DNAAF5: variants seen among roughly 807,000 people sequenced by gnomAD.
DNAAF5 encodes HEAT repeat containing 2.
Under a neutral mutation model 75.8 loss-of-function variants are expected in DNAAF5, and 64 were observed. That is an observed-to-expected ratio of 0.84 (90% confidence interval 0.69 to 1.04). The LOEUF is 1.04. DNAAF5 is among the 50% of genes least tolerant of loss of function. The probability of loss-of-function intolerance (pLI) is 0.00; values close to 1 mark genes in which losing one functional copy is unlikely to be tolerated. For missense variants in DNAAF5, 1,269 were observed against 1,178.5 expected (o/e 1.08, Z -1.12); for synonymous variants, 657 against 557.2 (o/e 1.18, Z -2.52).
At chr7:746,844 T>G (rs556428159) in intron 4 of DNAAF5, among the ~76,000 whole-genome samples, 2 of 152,370 alleles carry the variant, frequency 1.3e-5, no homozygotes, top group African/African-American at 4.8e-5. Flanking sequence ...GCCCTGGCAC[T>G]GCTGCTGTGG....
At chr7:730,273 G>T (rs547154123) in intron 2 of DNAAF5, among the ~76,000 whole-genome samples, 4 of 152,042 alleles carry the variant, frequency 2.6e-5, no homozygotes, top group African/African-American at 4.8e-5. Context: ...CCAAGAGACG[G>T]GCAGGCAGGC....
At chr7:731,229 A>C (rs1781552703) in intron 2 of DNAAF5, among the ~76,000 whole-genome samples, 1 of 152,158 alleles carries the variant, frequency 6.6e-6, no homozygotes, top group African/African-American at 2.4e-5. Flanking sequence ...TGAATACTGA[A>C]GCTCCATAGC....
At position 784,372 on chromosome 7, in the gene DNAAF5, C is replaced by T. The variant is rs571938097; in HGVS notation, c.2432-1145C>T. ...GCTACCCCCCTCCCTGACTGCCTGC[C>T]GGGTTCCGCCACCCTCAGTGGCTCA... On this transcript the variant is annotated intron_variant, in intron 12 of 12. Coordinates refer to ENST00000297440, the MANE Select transcript of DNAAF5 (RefSeq NM_017802.4). Among the ~76,000 whole-genome samples the T allele has an allele frequency of 3.8e-4, 58 of 152,338 alleles. No individual in the cohort carries two copies. The South Asian group carries it at 0.011, about 28-fold the overall frequency.
chr7:770,074 C>A (rs1031316591), intron 8 of DNAAF5, among the ~76,000 whole-genome samples: 1 of 151,684 alleles, frequency 6.6e-6, no homozygotes, highest in Non-Finnish European at 1.5e-5. Flanking sequence ...GCCTCAGCCT[C>A]CCAAGTAGAT....
rs771203011 is a variant in DNAAF5, at chr7:740,894, C to T, written c.856C>T (p.Leu286Phe). 2 of 1,614,026 alleles carry T rather than the reference C, an allele frequency of 1.2e-6. No individual in the cohort carries two copies. The highest frequency in any genetic ancestry group is 3.3e-5 in the Admixed American group (2 of 60,032). The change falls in exon 3 of 13, where the codon CTC becomes TTC. Residue 286 changes from leucine (L) to phenylalanine (F), a missense_variant. Leu to Phe is a conservative substitution (Grantham distance 22). Transcript: ENST00000297440. Reference protein sequence around the residue: ...LRDRYSFFHKLIPLLLSSLND... With the variant: ...LRDRYSFFHKFIPLLLSSLND... ...TGACCGTTACTCCTTCTTCCACAAG[C>T]TCATCCCTCTGCTGCTCAGTAGCCT...
At chr7:776,587 A>G (rs1778767190) in intron 11 of DNAAF5, among the ~76,000 whole-genome samples, 1 of 152,182 alleles carries the variant, frequency 6.6e-6, no homozygotes. Context: ...CAGCAGGACC[A>G]GGGGCACAGC....
intron 2 of DNAAF5, among the ~76,000 whole-genome samples, chr7:734,498 CTT>C (rs1317015252): frequency 1.3e-5 from 2 of 152,148 alleles, no homozygotes; most frequent in African/African-American, 4.8e-5. Context: ...ACAGTGGAAA[CTT>C]TGCGTCAGTG....
rs1343738276 is a variant in DNAAF5 at position 746,253 on chromosome 7, C to T, written c.1024+4788C>T. On this transcript the variant is annotated intron_variant, in intron 4 of 12. Transcript: ENST00000297440. ...CGCCTGCCGTGCCCAGGGTCTGTGA[C>T]GCTCTCCTTACTGTCTTGCCCCCCC... Among the ~76,000 whole-genome samples, 7 of 147,790 alleles carry T rather than the reference C, an allele frequency of 4.7e-5. 1 individual carries two copies. The highest frequency in any genetic ancestry group is 9.0e-5 in the Non-Finnish European group (6 of 66,746).
Position 727,086 on chromosome 7 carries a change from C to G in DNAAF5, c.366C>G (p.Ala122=). The change falls in exon 1 of 13, where the codon GCC becomes GCG. Residue 122 remains alanine, a synonymous_variant. Coordinates refer to ENST00000297440, the MANE Select transcript of DNAAF5 (RefSeq NM_017802.4). ...DALPRLLPAL[A]ARLAGPVPAR... ...TGCCGCGCCTGCTGCCCGCGCTCGC[C>G]GCGCGCTTGGCCGGCCCCGTGCCCG... 9.5e-7 allele frequency: 1 copy of G among 1,049,108 alleles called. No individual in the cohort carries two copies. The highest frequency in any genetic ancestry group is 1.1e-6 in the Non-Finnish European group (1 of 874,068). The allele number at this position is 1,049,108 out of a possible 1,614,324, so 65.0% of individuals were successfully genotyped here.
chr7:749,331 A>G (rs944090560), intron 4 of DNAAF5, among the ~76,000 whole-genome samples: 1 of 152,174 alleles, frequency 6.6e-6, no homozygotes, highest in African/African-American at 2.4e-5. Flanking sequence ...TTCCTTGGCA[A>G]TGCCTGAGCG....
intron 6 of DNAAF5, among the ~76,000 whole-genome samples, chr7:759,538 C>A (rs1782581705): frequency 2.0e-5 from 3 of 152,156 alleles, no homozygotes; most frequent in Admixed American, 2.0e-4. Flanking sequence ...CCTTTGCAGT[C>A]TTAGATAACA....
intron 8 of DNAAF5, among the ~76,000 whole-genome samples, chr7:765,330 G>GC (rs1258654542): frequency 1.3e-5 from 2 of 152,196 alleles, no homozygotes; most frequent in Non-Finnish European, 2.9e-5. Flanking sequence ...GCCTCCCTCA[G>GC]CCCCTCTCCC....
intron 4 of DNAAF5, among the ~76,000 whole-genome samples, chr7:746,938 G>C (rs1782133867): frequency 6.6e-6 from 1 of 152,224 alleles, no homozygotes; most frequent in Non-Finnish European, 1.5e-5. Flanking sequence ...TTTCCTCTCT[G>C]TGTCGGAGGC....
At chr7:785,476 G>A (rs767524617) in intron 12 of DNAAF5, 41 bp from the exon 13 acceptor site, 1 of 1,601,602 alleles carries the variant, frequency 6.2e-7, no homozygotes, top group African/African-American at 1.3e-5. Context: ...TTGGTTTCAT[G>A]TTTGTTTCTG....
chr7:747,172 T>C (rs930731094), intron 4 of DNAAF5, among the ~76,000 whole-genome samples: 1 of 152,232 alleles, frequency 6.6e-6, no homozygotes, highest in African/African-American at 2.4e-5. Context: ...GTACAGTCCT[T>C]ACTTTGTTAG....
chr7:727,281 C>G lies in DNAAF5; in HGVS notation c.561C>G (p.Cys187Trp). 1 of 1,310,868 alleles carries G rather than the reference C, an allele frequency of 7.6e-7. No homozygotes were observed. Among genetic ancestry groups the G allele is most frequent in the Non-Finnish European group, 9.7e-7 (1 of 1,034,172 alleles). 81.2% of individuals were successfully genotyped at this position (1,310,868 alleles called of 1,614,324 possible). The change falls in exon 1 of 13, where the codon TGC (cysteine) becomes TGG (tryptophan). Residue 187 changes from cysteine to tryptophan, a missense_variant. Transcript: ENST00000297440. ...TCGCCGCCGTGCGCCGCGAGAGCTG[C>G]AGCTGCGCCGCCGCCCTGGCGCAGG... ...DPFAAVRRES[C>W]SCAAALAQAT...
chr7:785,692 C>T lies in DNAAF5; in HGVS notation c.*39C>T, dbSNP rs779578549. ...AGCCACGGCACACCCTTGTCCCCAC[C>T]TGAGCCAGAGTTTGTGGCCTTTAAA... On this transcript the variant is annotated 3_prime_UTR_variant, in exon 13 of 13. Transcript: ENST00000297440. 6.2e-7 allele frequency: 1 copy of T among 1,602,382 alleles called. No individual in the cohort carries two copies. Among genetic ancestry groups the T allele is most frequent in the Non-Finnish European group, 8.5e-7 (1 of 1,173,924 alleles).
intron 2 of DNAAF5, among the ~76,000 whole-genome samples, chr7:737,507 T>C (rs1781774063): frequency 6.6e-6 from 1 of 152,252 alleles, no homozygotes; most frequent in Non-Finnish European, 1.5e-5. Flanking sequence ...TGCTTACTGT[T>C]ACCACTGAGT....
chr7:757,068 A>T (rs577106377), intron 6 of DNAAF5, 74 bp downstream of exon 6: 1 of 1,428,684 alleles, frequency 7.0e-7, no homozygotes, highest in Non-Finnish European at 9.5e-7. Flanking sequence ...TCGTAATGAC[A>T]TGTCTGTGGG....
Sources: gnomAD v4.1 joint callset for allele counts (sites outside exome capture counted in the v4.1 genomes callset) on GRCh38, gnomAD v4.1.1 for gene constraint, MANE v1.5 for transcripts, NCBI Gene and HGNC (gene_info 2026-07-23, HGNC 2026-07-21) for gene names.